SPATA6: variants seen among roughly 807,000 people sequenced by gnomAD.
The protein encoded by SPATA6 is spermatogenesis-associated protein 6.
In SPATA6, 56 loss-of-function variants were observed where a neutral mutation model predicts 65.3. The observed-to-expected ratio is 0.86, with a 90% CI of 0.69 to 1.07. The LOEUF (loss-of-function observed/expected upper bound fraction) is 1.07. SPATA6 is among the 50% of genes least tolerant of loss of function. The pLI is 0.00. For missense variants in SPATA6, 590 were observed against 594.8 expected (o/e 0.99, Z 0.08); for synonymous variants, 199 against 213.2 (o/e 0.93, Z 0.58).
chr1:48,323,643 A>G (rs1645668476), intron 11 of SPATA6, among the ~76,000 whole-genome samples: 1 of 151,856 alleles, frequency 6.6e-6, no homozygotes, highest in Admixed American at 6.6e-5. Context: ...GGAGACCCAA[A>G]TAAATAAAAA....
chr1:48,272,003 T>C, the SPATA6 span, among the ~76,000 whole-genome samples: 3 of 152,160 alleles, frequency 2.0e-5, no homozygotes, highest in Non-Finnish European at 2.9e-5. Context: ...GAAGGTCATC[T>C]ACAAATATAG....
rs181161272 is a variant in SPATA6 at position 48,451,285 on chromosome 1, T to C, written c.238+267A>G. The stretch of plus-strand genomic sequence containing the variant: ...TCACAAACACCCCATATCATTTTAA[T>C]CAATAAAAAGCTTAAATAAGTCTCT... On this transcript the variant is annotated intron_variant, in intron 3 of 12. Transcript: ENST00000371847. Among the ~76,000 whole-genome samples, 892 of 152,246 alleles carry C rather than the reference T, an allele frequency of 5.9e-3. 8 individuals are homozygous for C. The highest frequency in any genetic ancestry group is 7.0e-3 in the Non-Finnish European group (477 of 68,010).
intron 3 of SPATA6, among the ~76,000 whole-genome samples, chr1:48,439,425 G>A (rs1003154787): frequency 2.6e-5 from 4 of 151,778 alleles, no homozygotes; most frequent in Admixed American, 2.0e-4. Flanking sequence ...GTCAGTGAGC[G>A]CAACTATTCC....
intron 6 of SPATA6, among the ~76,000 whole-genome samples, chr1:48,399,958 A>G (rs1651002221): frequency 6.6e-5 from 1 of 15,124 alleles, no homozygotes; most frequent in East Asian, 2.8e-3. Flanking sequence ...TTTTCAGTAT[A>G]CTAAAAAAGT....
intron 11 of SPATA6, among the ~76,000 whole-genome samples, chr1:48,328,957 C>A (rs1414934502): frequency 6.6e-6 from 1 of 152,082 alleles, no homozygotes; most frequent in African/African-American, 2.4e-5. Context: ...CCTGTACTTA[C>A]ACAGAATGCT....
chr1:48,432,637 T>C (rs1654514504), intron 3 of SPATA6, among the ~76,000 whole-genome samples: 1 of 152,072 alleles, frequency 6.6e-6, no homozygotes, highest in African/African-American at 2.4e-5. Flanking sequence ...ACAACAAGTG[T>C]TGGTGAGGAT....
chr1:48,438,860 A>G (rs928688951), intron 3 of SPATA6, among the ~76,000 whole-genome samples: 1 of 152,110 alleles, frequency 6.6e-6, no homozygotes, highest in Non-Finnish European at 1.5e-5. Context: ...ATAAAGACAT[A>G]ATTTTTGCCC....
At chr1:48,381,466 T>C (rs1233020300) in intron 9 of SPATA6, among the ~76,000 whole-genome samples, 1 of 151,614 alleles carries the variant, frequency 6.6e-6, no homozygotes, top group African/African-American at 2.4e-5. Context: ...CCCTAAACAG[T>C]GCCTTGATTG....
At chr1:48,332,493 C>T (rs1192485353) in intron 11 of SPATA6, among the ~76,000 whole-genome samples, 4 of 152,104 alleles carry the variant, frequency 2.6e-5, no homozygotes, top group Non-Finnish European at 5.9e-5. Flanking sequence ...CAAAGAAGGG[C>T]ATTACATATT....
chr1:48,274,535 G>T, the SPATA6 span, among the ~76,000 whole-genome samples: 1 of 152,008 alleles, frequency 6.6e-6, no homozygotes, highest in Non-Finnish European at 1.5e-5. Flanking sequence ...TAAGGAAGGG[G>T]TCCAGTTTCA....
At position 48,366,700 on chromosome 1, in the gene SPATA6, A is replaced by G. The variant is rs561182677; in HGVS notation, c.910-6930T>C. 3.3e-5 allele frequency among the ~76,000 whole-genome samples: 5 copies of G among 151,706 alleles called. No individual in the cohort carries two copies. In the South Asian group the frequency reaches 1.0e-3, roughly 32 times the overall value. ...TTCTTCTCTCTTTTCTTCTTTATTA[A>G]TGTTGCTAGCGGTCTATCAATTTTG... On this transcript the variant is annotated intron_variant, in intron 9 of 12. Transcript: ENST00000371847.
chr1:48,316,913 C>A (rs995344660), intron 11 of SPATA6, among the ~76,000 whole-genome samples: 1 of 152,092 alleles, frequency 6.6e-6, no homozygotes, highest in South Asian at 2.1e-4. Context: ...ATGCAGCCAA[C>A]AGACACATGA....
chr1:48,370,713 A>G (rs913263700), intron 9 of SPATA6, among the ~76,000 whole-genome samples: 1 of 152,230 alleles, frequency 6.6e-6, no homozygotes, highest in Admixed American at 6.5e-5. Flanking sequence ...CGTTTTTATT[A>G]TCTGTACTTT....
At chr1:48,290,698 T>C (rs1644761318), downstream of SPATA6, among the ~76,000 whole-genome samples, 1 of 152,160 alleles carries the variant, frequency 6.6e-6, no homozygotes, top group South Asian at 2.1e-4. Flanking sequence ...GTTGCAATCC[T>C]AGTCTCTGAT....
At chr1:48,449,856 C>T (rs112852653) in intron 3 of SPATA6, among the ~76,000 whole-genome samples, 1 of 152,252 alleles carries the variant, frequency 6.6e-6, no homozygotes, top group Non-Finnish European at 1.5e-5. Flanking sequence ...GGTGAAATGA[C>T]ATAATGCATA....
At chr1:48,361,212 A>G (rs1332834460) in intron 9 of SPATA6, among the ~76,000 whole-genome samples, 1 of 152,162 alleles carries the variant, frequency 6.6e-6, no homozygotes, top group Non-Finnish European at 1.5e-5. Flanking sequence ...CCCTGGGAAT[A>G]CTCCAATATT....
At chr1:48,335,551 A>G (rs1646037262) in intron 11 of SPATA6, among the ~76,000 whole-genome samples, 1 of 152,120 alleles carries the variant, frequency 6.6e-6, no homozygotes, top group Admixed American at 6.6e-5. Context: ...AGGACTCCCT[A>G]CTCAATAAAT....
At chr1:48,355,410 T>G in intron 11 of SPATA6, 1 of 287,102 alleles carries the variant, frequency 3.5e-6, no homozygotes, top group East Asian at 6.2e-5. Context: ...CAAGTCACTA[T>G]GTACTGAAAC....
the SPATA6 span, among the ~76,000 whole-genome samples, chr1:48,264,645 T>G: frequency 6.6e-6 from 1 of 152,336 alleles, no homozygotes; most frequent in African/African-American, 2.4e-5. Flanking sequence ...TGTGTTAGTT[T>G]GCTGAGGATG....
Sources: gnomAD v4.1 joint callset for allele counts (sites outside exome capture counted in the v4.1 genomes callset) on GRCh38, gnomAD v4.1.1 for gene constraint, MANE v1.5 for transcripts, NCBI Gene and HGNC (gene_info 2026-07-23, HGNC 2026-07-21) for gene names.